The following SFPQ variants were observed in gnomAD, a reference collection of about 807,000 sequenced individuals.
SFPQ encodes splicing factor proline and glutamine rich.
A neutral mutation model predicts 72.9 loss-of-function variants in SFPQ; 11 were observed. The observed-to-expected ratio is 0.15, with a 90% confidence interval of 0.09 to 0.25. SFPQ has a LOEUF of 0.25. SFPQ is among the 10% of genes least tolerant of loss of function. The pLI, the probability that SFPQ is intolerant of heterozygous loss-of-function variation, is 1.00. For missense variants in SFPQ, 847 were observed against 993.3 expected, an observed-to-expected ratio of 0.85 and a Z score of 1.98; for synonymous variants, 506 against 367.3, an observed-to-expected ratio of 1.38 and a Z score of -4.32.
intron 6 of SFPQ, 22 bp from the exon 7 acceptor site, chr1:35,188,112 AT>A (rs1241058958): frequency 1.3e-6 from 2 of 1,509,488 alleles, no homozygotes; most frequent in Non-Finnish European, 1.8e-6. Context: ...CATCAGGTAC[AT>A]AACTGAAGTG....
At chr1:35,182,812 C>A (rs1304060061), downstream of SFPQ, 5 of 1,050,694 alleles carry the variant, frequency 4.8e-6, no homozygotes, top group South Asian at 1.4e-4. Context: ...CATATTTACA[C>A]TGGGAAATCA....
rs764896059 is a variant in SFPQ, at chr1:35,192,294, G to A, written c.756C>T (p.His252=). ...GCGGGGGCCCCTGGTGATGCTGCTGGTGGTAGGGCGGGTGGTGCTGGCGGC... is the reference window on the plus strand; with the variant it reads ...GCGGGGGCCCCTGGTGATGCTGCTGATGGTAGGGCGGGTGGTGCTGGCGGC... ...RGGRQHHPPY[H]QQHHQGPPPG... is the part of the protein sequence containing the mutation. Residue 252 remains histidine (H), a synonymous_variant, in exon 1 of 10, where the codon CAC becomes CAT. Coordinates refer to ENST00000357214, the MANE Select transcript of SFPQ (RefSeq NM_005066.3). 35 of 1,459,602 alleles carry A rather than the reference G, an allele frequency of 2.4e-5. No individual in the cohort carries two copies. The African/African-American group carries it at 2.7e-4, about 11-fold the overall frequency. 90.4% of individuals were successfully genotyped at this position (1,459,602 alleles called of 1,614,324 possible). A position where few individuals can be genotyped will look rare whatever the true frequency, so the allele number is the denominator to read the frequency against.
At chr1:35,188,854 G>C (rs912417362) in intron 6 of SFPQ, 149 bp downstream of exon 6, 6 of 647,336 alleles carry the variant, frequency 9.3e-6, no homozygotes, top group South Asian at 1.8e-5. Context: ...CCAGCTGATC[G>C]GGAGGCTGAG....
At position 35,190,608 on chromosome 1, in the gene SFPQ, G is replaced by A. The variant is rs559290471; in HGVS notation, c.1320-15C>T. 5 of 1,609,142 alleles carry A rather than the reference G, an allele frequency of 3.1e-6. No individual in the cohort carries two copies. In the South Asian group the frequency reaches 4.4e-5, roughly 14 times the overall value. ...GACGAGGAGTTCTAATAACAAAAAT[G>A]GTTCCATCTTAGCTTTGTTCCAGTT... is the stretch of plus-strand genomic sequence containing the variant. On this transcript the variant is annotated splice_polypyrimidine_tract_variant and intron_variant, in intron 3 of 9. Coordinates refer to ENST00000357214, the MANE Select transcript of SFPQ (RefSeq NM_005066.3).
chr1:35,180,025 G>A, downstream of SFPQ: 1 of 1,053,634 alleles, frequency 9.5e-7, no homozygotes, highest in African/African-American at 1.6e-5. Flanking sequence ...AGAGTCCAAA[G>A]TTGTTTGCTT....
chr1:35,178,376 T>A (rs1308386741), downstream of SFPQ: 1 of 1,064,730 alleles, frequency 9.4e-7, no homozygotes, highest in South Asian at 4.4e-5. Context: ...CCTCACCAAA[T>A]GAGTTTTAAC....
At chr1:35,191,247 T>C in intron 2 of SFPQ, 94 bp downstream of exon 2, 2 of 1,043,096 alleles carry the variant, frequency 1.9e-6, no homozygotes, top group South Asian at 2.8e-5. Flanking sequence ...CAATTTATCC[T>C]CCCCAGTTTA....
At chr1:35,191,201 AT>A in intron 2 of SFPQ, 139 bp downstream of exon 2, 5 of 858,740 alleles carry the variant, frequency 5.8e-6, no homozygotes, top group Non-Finnish European at 9.1e-6. Flanking sequence ...TACCGCAAGC[AT>A]TTTTCCTGTA....
Position 35,189,328 on chromosome 1 carries a change from A to G in SFPQ, c.1470T>C (p.Tyr490=), listed in dbSNP as rs549530486. The G allele has an allele frequency of 1.9e-6, 3 of 1,614,086 alleles. No individual in the cohort carries two copies. Among genetic ancestry groups the G allele is most frequent in the Non-Finnish European group, 2.5e-6 (3 of 1,180,008 alleles). The change falls in exon 5 of 10, where the codon TAT becomes TAC. Residue 490 remains tyrosine, a synonymous_variant. Coordinates refer to ENST00000357214, the MANE Select transcript of SFPQ (RefSeq NM_005066.3). ...CATCCAAAGACTTCCATCGCTGAGA[A>G]TATTCGTACTCAAACGTGCCATGCT... ...FAQHGTFEYE[Y]SQRWKSLDEM...
downstream of SFPQ, chr1:35,182,699 CA>C (rs1639519945): frequency 2.0e-6 from 2 of 985,232 alleles, no homozygotes; most frequent in Non-Finnish European, 2.4e-6. Flanking sequence ...AGACACATTC[CA>C]TAGTAAGAAT....
downstream of SFPQ, chr1:35,178,737 T>C (rs1639346321): frequency 1.9e-6 from 2 of 1,054,076 alleles, no homozygotes; most frequent in Non-Finnish European, 1.1e-6. Flanking sequence ...CAGGTTTTTC[T>C]TCCTCCCTGA....
rs377746910 is a variant in SFPQ at position 35,193,059 on chromosome 1, C to A, written c.-10G>T. 12 of 1,552,704 alleles carry A rather than the reference C, an allele frequency of 7.7e-6. No homozygotes were observed. The highest frequency in any genetic ancestry group is 1.0e-5 in the Non-Finnish European group (12 of 1,158,974). On this transcript the variant is annotated 5_prime_UTR_variant, in exon 1 of 10. Coordinates refer to ENST00000357214, the MANE Select transcript of SFPQ (RefSeq NM_005066.3). Reference sequence around the variant, plus strand: ...ACCGATCCCGAGACATGTCTGTGGTCAAGGGGCGGTCGAGGCAAAAGCGAA... The same window carrying A: ...ACCGATCCCGAGACATGTCTGTGGTAAAGGGGCGGTCGAGGCAAAAGCGAA...
chr1:35,180,369 G>T (rs1639417818), downstream of SFPQ: 1 of 1,036,966 alleles, frequency 9.6e-7, no homozygotes, highest in Non-Finnish European at 1.2e-6. Flanking sequence ...CATCCCTAAA[G>T]CTAAGGGAAC....
downstream of SFPQ, chr1:35,182,647 T>C (rs1639517794): frequency 1.0e-6 from 1 of 985,472 alleles, no homozygotes. Flanking sequence ...TTAGAATTTT[T>C]CTTTTGCCAA....
At chr1:35,178,051 G>T (rs3200205), downstream of SFPQ, 18 of 1,282,670 alleles carry the variant, frequency 1.4e-5, no homozygotes, top group African/African-American at 9.2e-5. Context: ...AGAATAATAA[G>T]AAAAAGTTAA....
At position 35,183,614 on chromosome 1, in the gene SFPQ, C is replaced by T. The variant is rs1156492604; in HGVS notation, c.*842G>A. The T allele has an allele frequency of 9.7e-7, 1 of 1,029,604 alleles. No individual in the cohort carries two copies. The highest frequency in any genetic ancestry group is 1.7e-5 in the African/African-American group (1 of 59,152). The allele number at this position is 1,029,604 out of a possible 1,614,324, so 63.8% of individuals were successfully genotyped here. A position where few individuals can be genotyped will look rare whatever the true frequency, so the allele number is the denominator to read the frequency against. ...CATGAAAAGACTTCATGTTTAACAT[C>T]TTTAATTCAAATGTAAAAGTTCAAT... On this transcript the variant is annotated 3_prime_UTR_variant, in exon 10 of 10. Transcript: ENST00000357214.
At chr1:35,179,304 T>C, downstream of SFPQ, 2 of 1,058,854 alleles carry the variant, frequency 1.9e-6, no homozygotes, top group Non-Finnish European at 2.3e-6. Flanking sequence ...ATCTCTTTAT[T>C]GGGGAAAAGT....
chr1:35,181,385 A>G (rs970767037), downstream of SFPQ: 9 of 1,064,536 alleles, frequency 8.5e-6, no homozygotes, highest in Non-Finnish European at 2.3e-6. Flanking sequence ...ATCTGCCATA[A>G]TATGCCACTT....
In SFPQ at chr1:35,192,203, C is replaced by T. The variant is rs926498119; in HGVS notation, c.828+19G>A. On this transcript the variant is annotated intron_variant, in intron 1 of 9. Transcript: ENST00000357214. ...CGCCATCTTAGGGGAGCCGACGCGT[C>T]GCTCCCATAGACACTCACCTCCGAG... 6 of 1,386,460 alleles carry T rather than the reference C, an allele frequency of 4.3e-6. No individual in the cohort carries two copies. In the Admixed American group the frequency reaches 2.0e-4, roughly 47 times the overall value. The allele number at this position is 1,386,460 out of a possible 1,614,324, so 85.9% of individuals were successfully genotyped here.
Sources: allele counts gnomAD v4.1 joint callset, GRCh38; gene constraint gnomAD v4.1.1; transcripts MANE v1.5; gene names NCBI Gene and HGNC (gene_info 2026-07-23, HGNC 2026-07-21).